SLC5A4: variants seen among roughly 807,000 people sequenced by gnomAD.
SLC5A4 encodes probable glucose sensor protein SLC5A4.
Under a neutral mutation model 70.3 loss-of-function variants are expected in SLC5A4, and 55 were observed. The ratio of observed to expected loss-of-function variants is 0.78; its 90% CI spans 0.63 to 0.98. SLC5A4 has a LOEUF of 0.98. Among genes scored for constraint, SLC5A4 ranks in the 50% least tolerant of loss-of-function variants. The pLI, the probability that SLC5A4 is intolerant of heterozygous loss-of-function variation, is 0.00. For missense variants in SLC5A4, 735 were observed against 839.2 expected, an observed-to-expected ratio of 0.88 and a Z score of 1.53; for synonymous variants, 268 against 305.7, an observed-to-expected ratio of 0.88 and a Z score of 1.29.
At chr22:32,308,416 G>A in the SLC5A4 span, among the ~76,000 whole-genome samples, 177 of 152,266 alleles carry the variant, frequency 1.2e-3, 3 homozygotes, top group South Asian at 0.011. Context: ...AGGGCCTGGC[G>A]CCACCAGGCT....
chr22:32,321,650 G>A, the SLC5A4 span, among the ~76,000 whole-genome samples: 2 of 152,274 alleles, frequency 1.3e-5, no homozygotes, highest in South Asian at 2.1e-4. Context: ...CCCAGTGTGT[G>A]TCCTTCCCCT....
chr22:32,332,485 G>A, the SLC5A4 span, among the ~76,000 whole-genome samples: 37 of 152,294 alleles, frequency 2.4e-4, no homozygotes, highest in Middle Eastern at 6.8e-3. Context: ...CAGCTGCCCC[G>A]AGAGGCAGGG....
At chr22:32,258,309 C>T (rs560129321), upstream of SLC5A4, among the ~76,000 whole-genome samples, 1 of 152,276 alleles carries the variant, frequency 6.6e-6, no homozygotes, top group South Asian at 2.1e-4. Context: ...CTTATTCTGG[C>T]TGGGACTTCC....
chr22:32,308,965 G>T, the SLC5A4 span, among the ~76,000 whole-genome samples: 2 of 152,136 alleles, frequency 1.3e-5, no homozygotes, highest in Non-Finnish European at 2.9e-5. Flanking sequence ...TACCTAGACA[G>T]TCTCACTCTG....
At chr22:32,272,206 G>A in the SLC5A4 span, 1 of 756,748 alleles carries the variant, frequency 1.3e-6, no homozygotes, top group Non-Finnish European at 2.4e-6. Context: ...GTCATGTCCT[G>A]AGGGCGGATC....
At chr22:32,329,376 T>C in the SLC5A4 span, among the ~76,000 whole-genome samples, 4 of 152,168 alleles carry the variant, frequency 2.6e-5, no homozygotes, top group Admixed American at 1.3e-4. Flanking sequence ...AAGAAATGTA[T>C]GTCTATTGAG....
At chr22:32,320,292 C>A in the SLC5A4 span, among the ~76,000 whole-genome samples, 330 of 152,290 alleles carry the variant, frequency 2.2e-3, 1 homozygote, top group African/African-American at 7.8e-3. Context: ...GGGGTCATTT[C>A]TTTGGAAGGC....
the SLC5A4 span, among the ~76,000 whole-genome samples, chr22:32,305,690 T>C: frequency 2.3e-5 from 3 of 130,160 alleles, 1 homozygote; most frequent in Admixed American, 1.8e-4. Flanking sequence ...GGTCCCAGTG[T>C]GAGGGACGGT....
the SLC5A4 span, among the ~76,000 whole-genome samples, chr22:32,304,870 TA>T: frequency 6.6e-6 from 1 of 150,732 alleles, no homozygotes; most frequent in Non-Finnish European, 1.5e-5. Context: ...CTTTTTCACT[TA>T]GGTCTATGAT....
At chr22:32,305,179 A>G in the SLC5A4 span, among the ~76,000 whole-genome samples, 7 of 151,692 alleles carry the variant, frequency 4.6e-5, no homozygotes, top group Non-Finnish European at 8.8e-5. Context: ...AAATTTCTCC[A>G]GTTTCTAATC....
At chr22:32,240,758 A>G (rs1010275845) in intron 5 of SLC5A4, among the ~76,000 whole-genome samples, 3 of 152,136 alleles carry the variant, frequency 2.0e-5, no homozygotes, top group Non-Finnish European at 4.4e-5. Flanking sequence ...GAGAAAACTG[A>G]GGCTTAGGGA....
intron 3 of SLC5A4, 144 bp from the exon 4 acceptor site, chr22:32,248,946 A>G (rs932744914): frequency 1.0e-5 from 6 of 598,356 alleles, no homozygotes; most frequent in African/African-American, 1.8e-5. Context: ...ATCCCAAGAC[A>G]ATTGTGAGTT....
At chr22:32,275,466 T>C in the SLC5A4 span, among the ~76,000 whole-genome samples, 6,951 of 152,116 alleles carry the variant, frequency 0.046, 539 homozygotes, top group African/African-American at 0.16. Context: ...GAACATGCGG[T>C]GTTTGGTTTT....
At chr22:32,261,427 C>T in the SLC5A4 span, among the ~76,000 whole-genome samples, 1 of 152,212 alleles carries the variant, frequency 6.6e-6, no homozygotes, top group East Asian at 1.9e-4. Context: ...GAGGCAGGAG[C>T]GAGGTGGGGG....
the SLC5A4 span, among the ~76,000 whole-genome samples, chr22:32,265,400 T>A: frequency 1.3e-5 from 2 of 151,170 alleles, no homozygotes; most frequent in South Asian, 2.1e-4. Flanking sequence ...GAAAAAAAAA[T>A]TTGCTTCCTT....
At chr22:32,286,511 T>A in the SLC5A4 span, among the ~76,000 whole-genome samples, 1 of 152,216 alleles carries the variant, frequency 6.6e-6, no homozygotes, top group South Asian at 2.1e-4. Flanking sequence ...ATCATCTTTG[T>A]ATGAGCGATA....
intron 2 of SLC5A4, among the ~76,000 whole-genome samples, chr22:32,253,293 G>C (rs2145706035): frequency 6.6e-6 from 1 of 152,330 alleles, no homozygotes; most frequent in South Asian, 2.1e-4. Flanking sequence ...CCCTGGCTGA[G>C]GGGGTCACAC....
chr22:32,281,826 C>T, the SLC5A4 span, among the ~76,000 whole-genome samples: 2 of 151,776 alleles, frequency 1.3e-5, no homozygotes, highest in Admixed American at 6.6e-5. Context: ...TTGATCTCTA[C>T]TCCTGCCCTC....
chr22:32,289,277 T>C, the SLC5A4 span, among the ~76,000 whole-genome samples: 1 of 152,198 alleles, frequency 6.6e-6, no homozygotes, highest in African/African-American at 2.4e-5. Context: ...TATTGTTTTC[T>C]GATGTCAAAG....
Sources: allele counts gnomAD v4.1 joint callset (sites outside exome capture counted in the v4.1 genomes callset), GRCh38; gene constraint gnomAD v4.1.1; transcripts MANE v1.5; gene names NCBI Gene and HGNC (gene_info 2026-07-23, HGNC 2026-07-21).